The following KIFC3 variants were observed in gnomAD, a reference collection of about 807,000 sequenced individuals.
KIFC3 encodes kinesin family member C3.
In KIFC3, 60 loss-of-function variants were observed where a neutral mutation model predicts 101.8. The observed-to-expected ratio is 0.59, with a 90% CI of 0.48 to 0.73. The LOEUF (loss-of-function observed/expected upper bound fraction) is 0.73, where lower values mean the gene tolerates loss of function less well. Ranked by LOEUF, KIFC3 falls within the 30% of genes least tolerant of loss-of-function variation. The probability of loss-of-function intolerance (pLI) is 0.00; values close to 1 mark genes in which losing one functional copy is unlikely to be tolerated. For synonymous variants in KIFC3, 476 were observed against 482.7 expected (o/e 0.99, Z 0.18); for missense variants, 966 against 1,137.1 (o/e 0.85, Z 2.16).
chr16:57,805,167 G>A (rs559171950), upstream of KIFC3, among the ~76,000 whole-genome samples: 2 of 151,844 alleles, frequency 1.3e-5, no homozygotes, highest in South Asian at 4.2e-4. Flanking sequence ...GTGTGGAGTC[G>A]GGGTCTAGCT....
chr16:57,830,308 G>A (rs922965938), intron 1 of KIFC3, among the ~76,000 whole-genome samples: 2 of 148,906 alleles, frequency 1.3e-5, no homozygotes, highest in Non-Finnish European at 3.0e-5. Flanking sequence ...TGTAATCTCG[G>A]CTCTCTGCAG....
At position 57,777,712 on chromosome 16, in the gene KIFC3, C is replaced by T. The variant is rs553232964; in HGVS notation, c.316-5424G>A. On this transcript the variant is annotated intron_variant, in intron 3 of 19. Coordinates refer to ENST00000445690, the MANE Select transcript of KIFC3 (RefSeq NM_001130100.2). ...CTCCCGCCTGGGCAGCAGAGCAAGA[C>T]TCCATCTCAAATAAAAAAAAAATTA... 8.0e-5 allele frequency among the ~76,000 whole-genome samples: 12 copies of T among 150,790 alleles called. No individual in the cohort carries two copies. In the East Asian group the frequency reaches 2.2e-3, roughly 27 times the overall value.
At chr16:57,760,488 C>A in intron 16 of KIFC3, 72 bp from the exon 17 acceptor site, 1 of 1,554,872 alleles carries the variant, frequency 6.4e-7, no homozygotes, top group Admixed American at 1.8e-5. Context: ...AGGGAGCTCA[C>A]AGCTGGGGCC....
At chr16:57,815,579 CCAGGG>C (rs1422150703) in intron 1 of KIFC3, 1 of 1,289,774 alleles carries the variant, frequency 7.8e-7, no homozygotes, top group Non-Finnish European at 1.0e-6. Context: ...GTCACCCTCA[CCAGGG>C]AGGCTGGGGG....
At chr16:57,780,578 TAA>T (rs1400337211) in intron 3 of KIFC3, among the ~76,000 whole-genome samples, 1 of 140,172 alleles carries the variant, frequency 7.1e-6, no homozygotes, top group Non-Finnish European at 1.5e-5. Flanking sequence ...TAAAATGATT[TAA>T]AAAAAAAAAA....
Position 57,761,165 on chromosome 16 carries a change from C to G in KIFC3, c.1879G>C (p.Glu627Gln). Residue 627 changes from glutamate (E) to glutamine (Q), a missense_variant, in exon 15 of 20, where the codon GAG becomes CAG. Transcript: ENST00000445690. ...QSVDDINKVF[E>Q]FGHTNRTTEF... ...GTCGTGCGATTAGTGTGGCCAAACT[C>G]AAACACCTGGGGGATTGGGAGGAGG... 4 of 1,613,860 alleles carry G rather than the reference C, an allele frequency of 2.5e-6. No individual in the cohort carries two copies. Among genetic ancestry groups the G allele is most frequent in the Non-Finnish European group, 3.4e-6 (4 of 1,179,920 alleles).
chr16:57,792,934 G>C (rs937276512), intron 3 of KIFC3, among the ~76,000 whole-genome samples: 4 of 149,064 alleles, frequency 2.7e-5, no homozygotes, highest in Non-Finnish European at 5.9e-5. Flanking sequence ...GAGATTACCA[G>C]GACTTACTTG....
intron 1 of KIFC3, among the ~76,000 whole-genome samples, chr16:57,799,058 G>A (rs2054556361): frequency 6.6e-6 from 1 of 152,218 alleles, no homozygotes; most frequent in African/African-American, 2.4e-5. Context: ...GCAGGCTACT[G>A]GAGGCGGCAG....
chr16:57,799,052 G>A (rs1555624611), intron 1 of KIFC3, among the ~76,000 whole-genome samples: 1 of 152,222 alleles, frequency 6.6e-6, no homozygotes, highest in African/African-American at 2.4e-5. Context: ...GTCTGAGCAG[G>A]CTACTGGAGG....
intron 1 of KIFC3, among the ~76,000 whole-genome samples, chr16:57,850,404 CACAA>C (rs1404831543): frequency 1.4e-5 from 2 of 139,700 alleles, no homozygotes; most frequent in African/African-American, 5.4e-5. Context: ...CCCTGTCACA[CACAA>C]ACAAAATAAT....
chr16:57,841,856 G>A (rs1472758758), intron 1 of KIFC3, among the ~76,000 whole-genome samples: 6 of 151,970 alleles, frequency 3.9e-5, no homozygotes, highest in Admixed American at 2.0e-4. Context: ...GGCTCTGGCT[G>A]TCCCCCTGTC....
Position 57,762,134 on chromosome 16 carries a change from T to G in KIFC3, c.1748+6A>C. ...AGGCCTGCTCCGCACACCCTGGGGC[T>G]CCCACCTGAGGACCTCATTGTAGAT... On this transcript the variant is annotated splice_donor_region_variant and intron_variant, in intron 13 of 19. Coordinates refer to ENST00000445690, the MANE Select transcript of KIFC3 (RefSeq NM_001130100.2). 2 of 1,549,690 alleles carry G rather than the reference T, an allele frequency of 1.3e-6. No individual in the cohort carries two copies. The highest frequency in any genetic ancestry group is 1.7e-6 in the Non-Finnish European group (2 of 1,145,826).
Position 57,802,252 on chromosome 16 carries a change from C to T in KIFC3, c.-40+118G>A, listed in dbSNP as rs1294704969. The T allele has an allele frequency of 6.6e-6, 3 of 452,010 alleles. No individual in the cohort carries two copies. The highest frequency in any genetic ancestry group is 4.2e-5 in the African/African-American group (2 of 47,128). 28.0% of individuals were successfully genotyped at this position (452,010 alleles called of 1,614,324 possible). A position where few individuals can be genotyped will look rare whatever the true frequency, so the allele number is the denominator to read the frequency against. On this transcript the variant is annotated intron_variant, in intron 1 of 19. Transcript: ENST00000445690. This position sits in a 1 kb window ranked among gnomAD's most constrained non-coding sequence, Gnocchi z 5.0. ...GGCCTTTCCCTCCCCGCGCCCATAG[C>T]GGGTCCGGGCAGAGGGGTCCCGAGG... is the stretch of plus-strand genomic sequence containing the variant.
At chr16:57,841,131 A>G (rs1206194656) in intron 1 of KIFC3, among the ~76,000 whole-genome samples, 1 of 152,224 alleles carries the variant, frequency 6.6e-6, no homozygotes, top group East Asian at 1.9e-4. Flanking sequence ...AAAATCAAAG[A>G]GTGAAATTTA....
rs2055491994 is a variant in KIFC3 at position 57,827,875 on chromosome 16, G to T, written c.109-29593C>A. 2.6e-5 allele frequency among the ~76,000 whole-genome samples: 4 copies of T among 152,188 alleles called. No homozygotes were observed. The South Asian group carries it at 8.3e-4, about 31-fold the overall frequency. ...CAAGAAAAGAAAAATACCTCATTTT[G>T]TACTGAGCACTAACTACACACCAGG... On this transcript the variant is annotated intron_variant, in intron 1 of 2. Coordinates refer to the KIFC3 transcript ENST00000563028.
chr16:57,837,554 G>GAAGAAAGAAAGAAAAGAAAGA (rs1555480658), intron 1 of KIFC3, among the ~76,000 whole-genome samples: 1 of 99,916 alleles, frequency 1.0e-5, no homozygotes, highest in Admixed American at 1.2e-4. Flanking sequence ...AGGAAGGAAG[G>GAAGAAAGAAAGAAAAGAAAGA]AAGAAAGAAA....
chr16:57,759,748 C>T lies in KIFC3; in HGVS notation c.2456G>A (p.Arg819Gln), dbSNP rs144481441. The change falls in exon 18 of 20, where the codon CGG (arginine) becomes CAG (glutamine). Residue 819 changes from arginine (R) to glutamine (Q), a missense_variant. This residue lies in a region of KIFC3 where 689 missense variants were observed against 884.6 expected (regional missense o/e 0.78). Coordinates refer to ENST00000445690, the MANE Select transcript of KIFC3 (RefSeq NM_001130100.2). ...CTCACCCGAGGGCTGCAGCTTCCTC[C>T]GGATGGATCCAGGGCGGCTACTGGT... ...SGTSSRPGSI[R>Q]RKLQPSA is the part of the protein sequence containing the mutation. The T allele has an allele frequency of 2.0e-4, 330 of 1,610,556 alleles. 1 individual carries two copies. Among genetic ancestry groups the T allele is most frequent in the Non-Finnish European group, 2.7e-4 (318 of 1,178,640 alleles).
chr16:57,858,298 C>A (rs1337161309), intron 1 of KIFC3, among the ~76,000 whole-genome samples: 2 of 152,158 alleles, frequency 1.3e-5, no homozygotes, highest in African/African-American at 4.8e-5. Flanking sequence ...TATATGTCTT[C>A]CCGGGCGCAG....
At chr16:57,833,513 T>C (rs1555479763) in intron 1 of KIFC3, among the ~76,000 whole-genome samples, 2 of 152,172 alleles carry the variant, frequency 1.3e-5, no homozygotes, top group African/African-American at 4.8e-5. Context: ...TGGGCAGGGC[T>C]GAGCTCAGAA....
Sources: gnomAD v4.1 joint callset for allele counts (sites outside exome capture counted in the v4.1 genomes callset) on GRCh38, gnomAD v4.1.1 for gene constraint, gnomAD v4.1.1 regional missense constraint, Gnocchi (gnomAD v3.1) non-coding constraint, MANE v1.5 for transcripts, NCBI Gene and HGNC (gene_info 2026-07-23, HGNC 2026-07-21) for gene names.